The following DMD variants were observed in gnomAD, a reference collection of about 807,000 sequenced individuals.
The protein encoded by DMD is mutant dystrophin.
DMD carries 63 observed loss-of-function variants against 330.1 expected under a neutral mutation model. That is an observed-to-expected ratio of 0.19 (90% CI 0.16 to 0.24). The LOEUF (loss-of-function observed/expected upper bound fraction) is 0.24, where lower values mean the gene tolerates loss of function less well. DMD is among the 10% of genes least tolerant of loss of function. The probability of loss-of-function intolerance (pLI) is 1.00; values close to 1 mark genes in which losing one functional copy is unlikely to be tolerated. For missense variants in DMD, 3,344 were observed against 2,684.1 expected (o/e 1.25, Z -5.43); for synonymous variants, 1,223 against 959.8 (o/e 1.27, Z -5.07).
chrX:32,310,006 A>T, intron 42 of DMD, 76 bp downstream of exon 42: 3 of 938,272 alleles, frequency 3.2e-6, no homozygotes, highest in South Asian at 4.1e-5. Flanking sequence ...CATACAATTT[A>T]AGTCAATTGT....
chrX:32,541,798 T>C (rs1453894441), intron 17 of DMD, among the ~76,000 whole-genome samples: 4 of 70,613 alleles, frequency 5.7e-5, no homozygotes, highest in African/African-American at 2.5e-4. Context: ...CCCTTGAACC[T>C]AAACTAAAAG....
chrX:32,999,798 A>C (rs868834803), intron 2 of DMD, among the ~76,000 whole-genome samples: 2 of 97,901 alleles, frequency 2.0e-5, no homozygotes, highest in African/African-American at 7.1e-5. Flanking sequence ...AAAAACAAAA[A>C]CAAAAAACAA....
chrX:32,654,879 G>A (rs913711390), intron 9 of DMD, among the ~76,000 whole-genome samples: 4 of 111,580 alleles, frequency 3.6e-5, no homozygotes, highest in Non-Finnish European at 7.5e-5. Flanking sequence ...AGTCTTGGGA[G>A]GGTGTATGTG....
intron 55 of DMD, among the ~76,000 whole-genome samples, chrX:31,556,628 T>C (rs1181464313): frequency 1.8e-5 from 2 of 110,315 alleles, no homozygotes; most frequent in African/African-American, 3.3e-5. Flanking sequence ...AAAGAAATGT[T>C]GAATTAAAAA....
At chrX:32,810,236 G>T (rs191634402) in intron 6 of DMD, among the ~76,000 whole-genome samples, 1 of 111,641 alleles carries the variant, frequency 9.0e-6, no homozygotes, top group Non-Finnish European at 1.9e-5. Context: ...AATAATCTAC[G>T]CTAGCTTATC....
At chrX:33,035,135 C>G (rs1263008586) in intron 1 of DMD, among the ~76,000 whole-genome samples, 1 of 111,742 alleles carries the variant, frequency 8.9e-6, no homozygotes, top group Admixed American at 9.5e-5. Flanking sequence ...TATTAATGAT[C>G]TCTGTTTTAC....
chrX:31,869,403 GA>G (rs1158123656), intron 48 of DMD, among the ~76,000 whole-genome samples: 1 of 59,717 alleles, frequency 1.7e-5, no homozygotes, highest in Non-Finnish European at 3.2e-5. Flanking sequence ...TAAACGACAT[GA>G]TTTTTTTTTT....
At chrX:32,692,817 A>T (rs1043906154) in intron 9 of DMD, among the ~76,000 whole-genome samples, 4 of 111,910 alleles carry the variant, frequency 3.6e-5, no homozygotes, top group Non-Finnish European at 7.5e-5. Flanking sequence ...CAGACCACAA[A>T]ATCTTATCTA....
chrX:31,931,218 A>T (rs776861477), intron 46 of DMD, among the ~76,000 whole-genome samples: 1 of 111,245 alleles, frequency 9.0e-6, no homozygotes, highest in African/African-American at 3.3e-5. Flanking sequence ...AATGTATCTA[A>T]TACTTGGCAC....
intron 15 of DMD, among the ~76,000 whole-genome samples, chrX:32,567,426 C>T (rs1364420546): frequency 8.9e-6 from 1 of 111,907 alleles, no homozygotes; most frequent in Non-Finnish European, 1.9e-5. Context: ...GAGTTGGAGT[C>T]TAACTCTGTC....
At chrX:31,180,773 T>A (rs1464728114) in intron 68 of DMD, among the ~76,000 whole-genome samples, 10 of 111,853 alleles carry the variant, frequency 8.9e-5, no homozygotes, top group Non-Finnish European at 1.3e-4. Context: ...AGGAAGGTAC[T>A]GGAAAATTTC....
At position 31,939,448 on chromosome X, in the gene DMD, G is replaced by A. The variant is rs188895973; in HGVS notation, c.6615-7221C>T. Reference sequence around the variant, plus strand: ...GAAAACGATGAGGGAAAAACCTGAAGGTTAGCAATGCGAATATCTGTATGG... The same window carrying A: ...GAAAACGATGAGGGAAAAACCTGAAAGTTAGCAATGCGAATATCTGTATGG... On this transcript the variant is annotated intron_variant, in intron 45 of 78. Coordinates refer to ENST00000357033, the MANE Select transcript of DMD (RefSeq NM_004006.3). 5.4e-5 allele frequency among the ~76,000 whole-genome samples: 6 copies of A among 112,031 alleles called. No individual in the cohort carries two copies. In the East Asian group the frequency reaches 1.7e-3, roughly 31 times the overall value.
intron 18 of DMD, among the ~76,000 whole-genome samples, chrX:32,503,402 T>C (rs2044260565): frequency 8.9e-6 from 1 of 111,877 alleles, no homozygotes; most frequent in African/African-American, 3.3e-5. Flanking sequence ...AATATGGCAA[T>C]ATCAGAAATA....
chrX:33,052,757 A>G (rs2094472320), intron 1 of DMD, among the ~76,000 whole-genome samples: 1 of 111,923 alleles, frequency 8.9e-6, no homozygotes, highest in South Asian at 3.7e-4. Flanking sequence ...AGTAAATACT[A>G]TAGGGTGACT....
chrX:32,376,707 A>G (rs1475973017), intron 34 of DMD, among the ~76,000 whole-genome samples: 1 of 109,121 alleles, frequency 9.2e-6, no homozygotes. Flanking sequence ...GAGTATAGAG[A>G]ATCCAATTTT....
At chrX:31,140,591 G>A (rs891649773) in intron 76 of DMD, among the ~76,000 whole-genome samples, 23 of 111,975 alleles carry the variant, frequency 2.1e-4, no homozygotes, top group African/African-American at 7.5e-4. Context: ...CATAAATTCT[G>A]TGTGTAACAC....
chrX:32,770,978 G>A (rs1422085876), intron 7 of DMD, among the ~76,000 whole-genome samples: 1 of 111,333 alleles, frequency 9.0e-6, no homozygotes, highest in Non-Finnish European at 1.9e-5. Flanking sequence ...ATAAGCAGTT[G>A]AATCCTGTGA....
intron 53 of DMD, among the ~76,000 whole-genome samples, chrX:31,677,667 A>C (rs1338436932): frequency 1.8e-5 from 2 of 112,172 alleles, no homozygotes; most frequent in African/African-American, 6.5e-5. Context: ...TAGTGGTAAC[A>C]TGTGTCTCTT....
chrX:32,297,741 A>G (rs2097503964), intron 42 of DMD, among the ~76,000 whole-genome samples: 1 of 112,084 alleles, frequency 8.9e-6, no homozygotes, highest in Non-Finnish European at 1.9e-5. Flanking sequence ...AAACTAAAGC[A>G]GGGAAGGAAG....
Sources: allele counts gnomAD v4.1 joint callset (sites outside exome capture counted in the v4.1 genomes callset), GRCh38; gene constraint gnomAD v4.1.1; transcripts MANE v1.5; gene names NCBI Gene and HGNC (gene_info 2026-07-23, HGNC 2026-07-21).